SWI5: variants seen among roughly 807,000 people sequenced by gnomAD.
SWI5 encodes the protein SWI5 homologous recombination repair protein.
A neutral mutation model predicts 17.0 loss-of-function variants in SWI5; 12 were observed. The observed-to-expected ratio is 0.71, with a 90% CI of 0.45 to 1.14. The LOEUF (loss-of-function observed/expected upper bound fraction) is 1.14. Ranked by LOEUF, SWI5 falls within the 50% of genes most tolerant of loss-of-function variation. SWI5 has a pLI of 0.00. For missense variants in SWI5, 158 were observed against 162.2 expected (o/e 0.97, Z 0.14); for synonymous variants, 61 against 64.0 (o/e 0.95, Z 0.22).
chr9:128,287,205 G>C (rs1047717472), intron 4 of SWI5, among the ~76,000 whole-genome samples: 1 of 150,642 alleles, frequency 6.6e-6, no homozygotes, highest in East Asian at 2.0e-4. Flanking sequence ...GCAGCACTTT[G>C]GGAGGCCGAG....
At chr9:128,276,177 G>C (rs1308778765), upstream of SWI5, 1 of 1,579,480 alleles carries the variant, frequency 6.3e-7, no homozygotes, top group Non-Finnish European at 8.6e-7. Flanking sequence ...GACCTGTGGC[G>C]TCACAACAAA....
At chr9:128,280,163 T>C (rs1330250525) in intron 2 of SWI5, among the ~76,000 whole-genome samples, 1 of 152,192 alleles carries the variant, frequency 6.6e-6, no homozygotes, top group Non-Finnish European at 1.5e-5. Context: ...CCTCAGCACC[T>C]GGGTAATCCT....
At position 128,284,372 on chromosome 9, in the gene SWI5, G is replaced by A. The variant is rs1257884042; in HGVS notation, c.112-138G>A. The A allele has an allele frequency of 7.5e-6, 7 of 939,474 alleles. No individual in the cohort carries two copies. In the African/African-American group the frequency reaches 1.2e-4, roughly 16 times the overall value. The allele number at this position is 939,474 out of a possible 1,614,324, so 58.2% of individuals were successfully genotyped here. A position where few individuals can be genotyped will look rare whatever the true frequency, so the allele number is the denominator to read the frequency against. ...TAGGGCCACATCTAATTCCAAGGAA[G>A]GCTTGGAAATGCAGTCTTATTGAGG... On this transcript the variant is annotated intron_variant, in intron 2 of 4. Coordinates refer to ENST00000418976, the Ensembl canonical transcript of SWI5.
upstream of SWI5, chr9:128,275,873 C>A: frequency 7.0e-7 from 1 of 1,425,966 alleles, no homozygotes; most frequent in Non-Finnish European, 9.7e-7. Context: ...GTCGGGGGGC[C>A]GCGACCCGGT....
At chr9:128,279,883 G>A (rs978806949) in intron 2 of SWI5, among the ~76,000 whole-genome samples, 3 of 152,106 alleles carry the variant, frequency 2.0e-5, no homozygotes, top group Admixed American at 6.5e-5. Flanking sequence ...GCCCTCAAGC[G>A]GCCCTTATGC....
At chr9:128,283,813 T>C (rs1831584642) in intron 2 of SWI5, among the ~76,000 whole-genome samples, 1 of 152,154 alleles carries the variant, frequency 6.6e-6, no homozygotes, top group Non-Finnish European at 1.5e-5. Context: ...AGGCATGCCC[T>C]CTTCCTGGGA....
At chr9:128,287,420 T>C (rs1588508864) in intron 4 of SWI5, among the ~76,000 whole-genome samples, 1 of 138,578 alleles carries the variant, frequency 7.2e-6, no homozygotes, top group Non-Finnish European at 1.5e-5. Context: ...ACCACTGTAC[T>C]CCAGCCTGGG....
intron 2 of SWI5, among the ~76,000 whole-genome samples, chr9:128,284,129 C>G (rs1004686599): frequency 6.6e-6 from 1 of 151,518 alleles, no homozygotes; most frequent in Non-Finnish European, 1.5e-5. Flanking sequence ...AACCCCATCT[C>G]TACTAAAAAA....
chr9:128,276,597 T>C (rs774899205), intron 1 of SWI5, 110 bp from the exon 2 acceptor site: 2 of 1,608,172 alleles, frequency 1.2e-6, no homozygotes, highest in Non-Finnish European at 1.7e-6. Flanking sequence ...ATGGATCCAG[T>C]CCCTGGCGCT....
At chr9:128,288,753 C>T in exon 5 of SWI5, 1 of 1,610,264 alleles carries the variant, frequency 6.2e-7, no homozygotes, top group East Asian at 2.2e-5. Flanking sequence ...CTCCCAGGGA[C>T]AGAAGGGTGT....
At chr9:128,276,122 T>C (rs16930333), upstream of SWI5, 3 of 1,565,992 alleles carry the variant, frequency 1.9e-6, no homozygotes, top group South Asian at 1.2e-5. Context: ...CAATGAGAAA[T>C]ATGAAGCGGA....
Position 128,285,822 on chromosome 9 carries a change from C to G in SWI5, c.234-117C>G, listed in dbSNP as rs1259045511. ...GGGCCTATCTTGCTGTCACCATATCCCTAGTACCTATCACCGAGTAGGCCA... is the reference window on the plus strand; with the variant it reads ...GGGCCTATCTTGCTGTCACCATATCGCTAGTACCTATCACCGAGTAGGCCA... On this transcript the variant is annotated intron_variant, in intron 3 of 4. Coordinates refer to ENST00000418976, the Ensembl canonical transcript of SWI5. The surrounding 1 kb of genome is among the most constrained non-coding windows in gnomAD (Gnocchi z 4.8). 1.5e-6 allele frequency: 1 copy of G among 688,902 alleles called. No homozygotes were observed. Among genetic ancestry groups the G allele is most frequent in the Non-Finnish European group, 2.6e-6 (1 of 381,982 alleles). 42.7% of individuals were successfully genotyped at this position (688,902 alleles called of 1,614,324 possible). A position where few individuals can be genotyped will look rare whatever the true frequency, so the allele number is the denominator to read the frequency against.
rs144191558 is a variant in SWI5, at chr9:128,276,311, C to A, written c.-30C>A. Reference sequence around the variant, plus strand: ...CCGGGTCAGAGTTCCTGGCCCGGTGCACCTGAGAGGTCGCTCTCCGACTCC... The same window carrying A: ...CCGGGTCAGAGTTCCTGGCCCGGTGAACCTGAGAGGTCGCTCTCCGACTCC... On this transcript the variant is annotated 5_prime_UTR_variant, in exon 1 of 5. Coordinates refer to ENST00000418976, the Ensembl canonical transcript of SWI5. 1,718 of 1,613,030 alleles carry A rather than the reference C, an allele frequency of 1.1e-3. 19 individuals are homozygous for A. The African/African-American group carries it at 0.02, about 18-fold the overall frequency.
upstream of SWI5, chr9:128,276,130 G>A (rs1185020928): frequency 1.9e-6 from 3 of 1,564,744 alleles, no homozygotes; most frequent in Admixed American, 2.0e-5. Flanking sequence ...AATATGAAGC[G>A]GAAGGGGGCG....
At chr9:128,279,600 TC>T (rs1831501354) in intron 2 of SWI5, among the ~76,000 whole-genome samples, 1 of 152,330 alleles carries the variant, frequency 6.6e-6, no homozygotes, top group Non-Finnish European at 1.5e-5. Context: ...CACTGTTTCT[TC>T]TACCACTATC....
upstream of SWI5, chr9:128,275,631 G>T (rs7034524): frequency 0.082 from 57,798 of 705,024 alleles, 3,448 homozygotes; most frequent in East Asian, 0.22. Context: ...TCGGACTTCG[G>T]GGGGCAGGAG....
At chr9:128,275,442 C>T, upstream of SWI5, 2 of 1,300,726 alleles carry the variant, frequency 1.5e-6, no homozygotes, top group Non-Finnish European at 2.0e-6. Flanking sequence ...GGACCCAGGT[C>T]CTTGGAGACC....
At position 128,285,908 on chromosome 9, in the gene SWI5, T is replaced by C. The variant is rs752249975; in HGVS notation, c.234-31T>C. ...ATCATCTGCTTTCTTAACTGGGCTG[T>C]CTTTCCCCCTCTCTCCATCGCTTAT... On this transcript the variant is annotated intron_variant, in intron 3 of 4. Transcript: ENST00000418976. The surrounding 1 kb of genome is among the most constrained non-coding windows in gnomAD (Gnocchi z 4.8). 2 of 1,521,694 alleles carry C rather than the reference T, an allele frequency of 1.3e-6. No homozygotes were observed. Among genetic ancestry groups the C allele is most frequent in the South Asian group, 1.1e-5 (1 of 89,064 alleles). The allele number at this position is 1,521,694 out of a possible 1,614,324, so 94.3% of individuals were successfully genotyped here.
At chr9:128,275,970 G>A (rs368222679), upstream of SWI5, 7 of 1,597,628 alleles carry the variant, frequency 4.4e-6, no homozygotes, top group African/African-American at 6.7e-5. Context: ...CGGGGTTGGG[G>A]CCACATCAGC....
Sources: allele counts gnomAD v4.1 joint callset (sites outside exome capture counted in the v4.1 genomes callset), GRCh38; gene constraint gnomAD v4.1.1; non-coding constraint Gnocchi (gnomAD v3.1); transcripts MANE v1.5; gene names NCBI Gene and HGNC (gene_info 2026-07-23, HGNC 2026-07-21).